The following PPP1R1A variants were observed in gnomAD, a reference collection of about 807,000 sequenced individuals.
PPP1R1A encodes protein phosphatase 1 regulatory subunit 1A.
A neutral mutation model predicts 23.9 loss-of-function variants in PPP1R1A; 18 were observed. The observed-to-expected ratio is 0.75, with a 90% CI of 0.52 to 1.12. The LOEUF is 1.12. Among genes scored for constraint, PPP1R1A ranks in the 50% most tolerant of loss-of-function variants. The pLI is 0.00. For synonymous variants in PPP1R1A, 84 were observed against 80.7 expected (o/e 1.04, Z -0.22); for missense variants, 207 against 223.8 (o/e 0.92, Z 0.48).
At chr12:54,588,245 G>A (rs560026199) in intron 1 of PPP1R1A, among the ~76,000 whole-genome samples, 160 bp downstream of exon 1, 9 of 149,304 alleles carry the variant, frequency 6.0e-5, no homozygotes, top group Non-Finnish European at 8.9e-5. Flanking sequence ...CGGTGGGGGA[G>A]GGGACAGAAG....
chr12:54,582,038 C>A lies in PPP1R1A; in HGVS notation c.341G>T (p.Arg114Leu). The A allele has an allele frequency of 6.2e-7, 1 of 1,613,698 alleles. No homozygotes were observed. Among genetic ancestry groups the A allele is most frequent in the Non-Finnish European group, 8.5e-7 (1 of 1,179,756 alleles). ...TTCTGTGTCTGGGATCCCAGGTGGG[C>A]GGGACTCCTGGGTTCCTGTGCTCTC... ...AAESTGTQES[R>L]PPGIPDTEVE... Residue 114 changes from arginine to leucine, a missense_variant, in exon 5 of 7, where the codon CGC (arginine) becomes CTC (leucine). By Grantham distance (102) the Arg-to-Leu change is moderately radical. Transcript: ENST00000257905.
At chr12:54,586,390 A>T (rs1957911085) in intron 1 of PPP1R1A, among the ~76,000 whole-genome samples, 1 of 152,104 alleles carries the variant, frequency 6.6e-6, no homozygotes, top group Non-Finnish European at 1.5e-5. Flanking sequence ...CTTTTCTCAT[A>T]CCTATCCCAA....
At chr12:54,582,817 G>T in intron 3 of PPP1R1A, 22 bp from the exon 4 acceptor site, 9 of 1,611,368 alleles carry the variant, frequency 5.6e-6, no homozygotes, top group Non-Finnish European at 7.6e-6. Context: ...ACAGAGCACA[G>T]ATGGGCGCCA....
In PPP1R1A at chr12:54,580,191, C is replaced by T; in HGVS notation, c.*196G>A. ...CAGCTTGGCAGGAGGGTGGGGGCTACAGAGAGGGCAGGGCAAGAAGGCAGG... is the reference window on the plus strand; with the variant it reads ...CAGCTTGGCAGGAGGGTGGGGGCTATAGAGAGGGCAGGGCAAGAAGGCAGG... On this transcript the variant is annotated 3_prime_UTR_variant, in exon 7 of 7. Coordinates refer to ENST00000257905, the MANE Select transcript of PPP1R1A (RefSeq NM_006741.4). The T allele has an allele frequency of 7.2e-7, 1 of 1,395,670 alleles. No individual in the cohort carries two copies. Among genetic ancestry groups the T allele is most frequent in the Non-Finnish European group, 9.3e-7 (1 of 1,072,384 alleles). The allele number at this position is 1,395,670 out of a possible 1,614,324, so 86.5% of individuals were successfully genotyped here.
Position 54,580,978 on chromosome 12 carries a change from T to C in PPP1R1A, c.476A>G (p.His159Arg), listed in dbSNP as rs1303105632. 3 of 1,613,784 alleles carry C rather than the reference T, an allele frequency of 1.9e-6. No homozygotes were observed. The highest frequency in any genetic ancestry group is 2.7e-5 in the African/African-American group (2 of 74,904). ...TCCCTTGGAATCCAGTGGTGGTATA[T>C]GGGTTGAGGGTTCTTTTGTGCTGGG... ...KEPSTKEPST[H>R]IPPLDSKGAN... Residue 159 changes from histidine (H) to arginine (R), a missense_variant, in exon 6 of 7, where the codon CAT becomes CGT. Physicochemically the swap from His to Arg is conservative, Grantham distance 29. Coordinates refer to ENST00000257905, the MANE Select transcript of PPP1R1A (RefSeq NM_006741.4).
chr12:54,581,418 G>A lies in PPP1R1A; in HGVS notation c.404-368C>T, dbSNP rs1271082066. ...GTTTGATTGTAGGGTTCTCTGCCGG[G>A]AATACTATGCGATACACAGTTTATG... On this transcript the variant is annotated intron_variant, in intron 5 of 6. Transcript: ENST00000257905. The surrounding 1 kb of genome is among the most constrained non-coding windows in gnomAD (Gnocchi z 4.1). Among the ~76,000 whole-genome samples the A allele has an allele frequency of 6.6e-6, 1 of 152,172 alleles. No individual in the cohort carries two copies. The highest frequency in any genetic ancestry group is 1.5e-5 in the Non-Finnish European group (1 of 68,040).
In PPP1R1A at chr12:54,580,071, A is replaced by G; in HGVS notation, c.*316T>C. ...TAGTCCTCCCACCTATCTGACCCTCATCTCTCTTCCCACAGCAAGTAAAGT... is the reference window on the plus strand; with the variant it reads ...TAGTCCTCCCACCTATCTGACCCTCGTCTCTCTTCCCACAGCAAGTAAAGT... On this transcript the variant is annotated 3_prime_UTR_variant, in exon 7 of 7. Transcript: ENST00000257905. 9.2e-7 allele frequency: 1 copy of G among 1,084,982 alleles called. No homozygotes were observed. Among genetic ancestry groups the G allele is most frequent in the Non-Finnish European group, 1.1e-6 (1 of 890,772 alleles). The allele number at this position is 1,084,982 out of a possible 1,614,324, so 67.2% of individuals were successfully genotyped here.
intron 2 of PPP1R1A, 72 bp downstream of exon 2, chr12:54,584,188 C>T (rs1009918858): frequency 5.3e-5 from 74 of 1,390,502 alleles, no homozygotes; most frequent in Admixed American, 9.8e-5. Context: ...TTCCATCTAG[C>T]GCCCATCTTC....
At position 54,588,539 on chromosome 12, in the gene PPP1R1A, G is replaced by A. The variant is rs1957935536; in HGVS notation, c.-51C>T. On this transcript the variant is annotated 5_prime_UTR_variant, in exon 1 of 7. Coordinates refer to ENST00000257905, the MANE Select transcript of PPP1R1A (RefSeq NM_006741.4). ...GCGCTGCGGCGGGAGGGAAGGCGGC[G>A]GGACTCGGGGCTGGGGCGGGCGCGC... 1 of 1,212,504 alleles carries A rather than the reference G, an allele frequency of 8.2e-7. No individual in the cohort carries two copies. The highest frequency in any genetic ancestry group is 2.4e-5 in the South Asian group (1 of 42,114). The allele number at this position is 1,212,504 out of a possible 1,614,324, so 75.1% of individuals were successfully genotyped here.
chr12:54,583,017 AGT>A lies in PPP1R1A; in HGVS notation c.183+192_183+193del, dbSNP rs973742966. Among the ~76,000 whole-genome samples the A allele has an allele frequency of 4.0e-5, 6 of 151,474 alleles. 1 individual carries two copies. Among genetic ancestry groups the A allele is most frequent in the Admixed American group, 2.6e-4 (4 of 15,224 alleles). On this transcript the variant is annotated intron_variant, in intron 3 of 6. Coordinates refer to ENST00000257905, the MANE Select transcript of PPP1R1A (RefSeq NM_006741.4). ...GACAATGGTGAGCAAGGAGACTGTG[AGT>A]GTGTGTGTGTATGTGAGTGTGTGTG...
At position 54,579,311 on chromosome 12, in the gene PPP1R1A, T is replaced by C. The variant is rs2121193172; in HGVS notation, c.*1076A>G. 1.0e-6 allele frequency: 1 copy of C among 980,082 alleles called. No homozygotes were observed. The highest frequency in any genetic ancestry group is 1.2e-6 in the Non-Finnish European group (1 of 828,918). 60.7% of individuals were successfully genotyped at this position (980,082 alleles called of 1,614,324 possible). A position where few individuals can be genotyped will look rare whatever the true frequency, so the allele number is the denominator to read the frequency against. On this transcript the variant is annotated 3_prime_UTR_variant, in exon 7 of 7. Coordinates refer to ENST00000257905, the MANE Select transcript of PPP1R1A (RefSeq NM_006741.4). ...CATACATACACTCTTTCCAGCATGA[T>C]AAAATCTGGGTGAGGCGTTCTCCCT...
In PPP1R1A at chr12:54,588,564, C is replaced by T; in HGVS notation, c.-76G>A. 1 of 907,788 alleles carries T rather than the reference C, an allele frequency of 1.1e-6. No homozygotes were observed. Among genetic ancestry groups the T allele is most frequent in the Non-Finnish European group, 1.5e-6 (1 of 689,508 alleles). 56.2% of individuals were successfully genotyped at this position (907,788 alleles called of 1,614,324 possible). A position where few individuals can be genotyped will look rare whatever the true frequency, so the allele number is the denominator to read the frequency against. ...GGGACTCGGGGCTGGGGCGGGCGCG[C>T]TCCCTCTCCGCTCCGCTCCGGCCCC... On this transcript the variant is annotated 5_prime_UTR_variant, in exon 1 of 7. Transcript: ENST00000257905.
At chr12:54,582,221 C>T in intron 4 of PPP1R1A, 90 bp from the exon 5 acceptor site, 2 of 1,350,394 alleles carry the variant, frequency 1.5e-6, no homozygotes, top group Non-Finnish European at 2.0e-6. Flanking sequence ...CCACTAAAGG[C>T]TCAGCACACA....
chr12:54,581,950 TG>T lies in PPP1R1A; in HGVS notation c.403+25del. 1 of 1,592,422 alleles carries T rather than the reference TG, an allele frequency of 6.3e-7. No homozygotes were observed. On this transcript the variant is annotated intron_variant, in intron 5 of 6. Transcript: ENST00000257905. The surrounding 1 kb of genome is among the most constrained non-coding windows in gnomAD (Gnocchi z 4.1). ...CTGCTGGGCTGGGAAATAGGATGCCTGGGGCCCTCCCCAGCCTGAACATACT... is the reference window on the plus strand; with the variant it reads ...CTGCTGGGCTGGGAAATAGGATGCCTGGGCCCTCCCCAGCCTGAACATACT...
intron 4 of PPP1R1A, 93 bp from the exon 5 acceptor site, chr12:54,582,224 A>G: frequency 7.5e-7 from 1 of 1,326,464 alleles, no homozygotes; most frequent in Non-Finnish European, 1.0e-6. Flanking sequence ...CTAAAGGCTC[A>G]GCACACATTG....
intron 1 of PPP1R1A, among the ~76,000 whole-genome samples, chr12:54,585,064 G>T (rs925395631): frequency 6.6e-6 from 1 of 152,168 alleles, no homozygotes; most frequent in Non-Finnish European, 1.5e-5. Context: ...GTGTGACAGC[G>T]CCTGGAGAGA....
intron 1 of PPP1R1A, among the ~76,000 whole-genome samples, chr12:54,586,025 T>TG (rs1266501288): frequency 4.6e-5 from 7 of 151,934 alleles, no homozygotes; most frequent in African/African-American, 1.7e-4. Context: ...GTATATGGGG[T>TG]GGGGGCCATC....
At chr12:54,582,589 A>G in intron 4 of PPP1R1A, 143 bp downstream of exon 4, 1 of 979,272 alleles carries the variant, frequency 1.0e-6, no homozygotes, top group Non-Finnish European at 1.6e-6. Flanking sequence ...CAGTGGCAAA[A>G]CTGGGATTTC....
chr12:54,583,085 G>T (rs1294204458), intron 3 of PPP1R1A, 126 bp downstream of exon 3: 9 of 999,356 alleles, frequency 9.0e-6, no homozygotes, highest in African/African-American at 1.7e-5. Context: ...GCACATTTGG[G>T]GGGTAGAGGT....
Sources: allele counts gnomAD v4.1 joint callset (sites outside exome capture counted in the v4.1 genomes callset), GRCh38; gene constraint gnomAD v4.1.1; non-coding constraint Gnocchi (gnomAD v3.1); transcripts MANE v1.5; gene names NCBI Gene and HGNC (gene_info 2026-07-23, HGNC 2026-07-21).